Variants in KCNQ1 observed in about 807,000 individuals in gnomAD.
The protein encoded by KCNQ1 is potassium voltage-gated channel subfamily KQT member 1.
In KCNQ1, 49 loss-of-function variants were observed where a neutral mutation model predicts 72.4. The observed-to-expected ratio is 0.68, with a 90% CI of 0.54 to 0.86. The LOEUF (loss-of-function observed/expected upper bound fraction) is 0.86. Ranked by LOEUF, KCNQ1 falls within the 40% of genes least tolerant of loss-of-function variation. The probability of loss-of-function intolerance (pLI) is 0.00; values close to 1 mark genes in which losing one functional copy is unlikely to be tolerated. For synonymous variants in KCNQ1, 450 were observed against 412.6 expected, an observed-to-expected ratio of 1.09 and a Z score of -1.10; for missense variants, 790 against 945.1, an observed-to-expected ratio of 0.84 and a Z score of 2.15.
intron 15 of KCNQ1, among the ~76,000 whole-genome samples, chr11:2,780,691 G>A (rs550204704): frequency 3.9e-5 from 6 of 152,354 alleles, no homozygotes; most frequent in South Asian, 4.1e-4. Context: ...CCTCCAGGGA[G>A]GCCTAGAGTG....
chr11:2,646,482 C>T (rs1564843919), intron 10 of KCNQ1: 1 of 398,540 alleles, frequency 2.5e-6, no homozygotes, highest in East Asian at 3.6e-5. Flanking sequence ...CTTCATTTCT[C>T]TTTTGGCTAA....
chr11:2,770,936 C>G (rs1198054738), intron 12 of KCNQ1, among the ~76,000 whole-genome samples: 1 of 152,246 alleles, frequency 6.6e-6, no homozygotes, highest in East Asian at 1.9e-4. Flanking sequence ...CCCCCGAGGG[C>G]AGAGGAGACC....
chr11:2,801,543 G>A lies in KCNQ1; in HGVS notation c.1794+23506G>A, dbSNP rs57236382. On this transcript the variant is annotated intron_variant, in intron 15 of 15. Transcript: ENST00000155840. ...GTGCTTACACATCCCTGGTGCTGCC[G>A]CCTTCTCTTGCAAAGACGTGAGTCC... 2.9e-3 allele frequency among the ~76,000 whole-genome samples: 438 copies of A among 152,280 alleles called. 2 individuals carry two copies. Among genetic ancestry groups the A allele is most frequent in the African/African-American group, 0.01 (423 of 41,540 alleles).
Position 2,567,014 on chromosome 11 carries a change from G to A in KCNQ1, c.478-3614G>A, listed in dbSNP as rs915973216. Among the ~76,000 whole-genome samples the A allele has an allele frequency of 6.6e-6, 1 of 151,606 alleles. No homozygotes were observed. Among genetic ancestry groups the A allele is most frequent in the African/African-American group, 2.4e-5 (1 of 41,256 alleles). On this transcript the variant is annotated intron_variant, in intron 2 of 15. Transcript: ENST00000155840. This position sits in a 1 kb window ranked among gnomAD's most constrained non-coding sequence, Gnocchi z 6.6. Reference sequence around the variant, plus strand: ...GAGGGAGAGAGCACTCCTGACACAGGGTCCTGAGGAGGCAGGGGTGCCCCA... The same window carrying A: ...GAGGGAGAGAGCACTCCTGACACAGAGTCCTGAGGAGGCAGGGGTGCCCCA...
At position 2,670,709 on chromosome 11, in the gene KCNQ1, A is replaced by G. The variant is rs1055983223; in HGVS notation, c.1514+8628A>G. 2.5e-6 allele frequency: 1 copy of G among 398,538 alleles called. No homozygotes were observed. The highest frequency in any genetic ancestry group is 4.4e-6 in the Non-Finnish European group (1 of 226,124). 24.7% of individuals were successfully genotyped at this position (398,538 alleles called of 1,614,324 possible). On this transcript the variant is annotated intron_variant, in intron 11 of 15. Transcript: ENST00000155840. This position sits in a 1 kb window ranked among gnomAD's most constrained non-coding sequence, Gnocchi z 4.9. ...ACAAGACAAAGGGATTCTGTGGCCC[A>G]TGGAGCAGGAGGGAACAGTCTGCAG...
chr11:2,618,133 T>C, intron 10 of KCNQ1: 2 of 398,534 alleles, frequency 5.0e-6, no homozygotes, highest in Non-Finnish European at 8.8e-6. Flanking sequence ...CCCTATGTTT[T>C]CTTCTGGTTG....
intron 11 of KCNQ1, chr11:2,672,772 C>T (rs1462180819): frequency 2.5e-6 from 1 of 398,670 alleles, no homozygotes; most frequent in East Asian, 3.6e-5. Context: ...CCTGTCTCCT[C>T]CCCGCAACAG....
At chr11:2,511,551 C>A (rs1847204574) in intron 1 of KCNQ1, among the ~76,000 whole-genome samples, 1 of 152,214 alleles carries the variant, frequency 6.6e-6, no homozygotes, top group Non-Finnish European at 1.5e-5. Flanking sequence ...ATGCTCCCAG[C>A]CGCTGTGTAG....
chr11:2,804,471 G>A (rs1357786838), intron 15 of KCNQ1, among the ~76,000 whole-genome samples: 2 of 152,232 alleles, frequency 1.3e-5, no homozygotes, highest in South Asian at 2.1e-4. Context: ...TGAGGGGAGG[G>A]AGGGATGGAG....
At position 2,815,082 on chromosome 11, in the gene KCNQ1, A is replaced by G. The variant is rs1284135210; in HGVS notation, c.1795-32685A>G. Among the ~76,000 whole-genome samples, 6 of 152,220 alleles carry G rather than the reference A, an allele frequency of 3.9e-5. No individual in the cohort carries two copies. Among genetic ancestry groups the G allele is most frequent in the African/African-American group, 1.4e-4 (6 of 41,446 alleles). On this transcript the variant is annotated intron_variant, in intron 15 of 15. Coordinates refer to ENST00000155840, the MANE Select transcript of KCNQ1 (RefSeq NM_000218.3). This position sits in a 1 kb window ranked among gnomAD's most constrained non-coding sequence, Gnocchi z 5.4. ...TCATCCAGGCACCTGCTGCGTGCTG[A>G]GCACCATGCTGGGTGCTTCCTGTGC... is the stretch of plus-strand genomic sequence containing the variant.
chr11:2,820,488 G>A (rs1004717296), intron 15 of KCNQ1, among the ~76,000 whole-genome samples: 18 of 152,002 alleles, frequency 1.2e-4, no homozygotes, highest in African/African-American at 2.7e-4. Flanking sequence ...GTGTGGAGGC[G>A]GTGGAGTCTT....
intron 15 of KCNQ1, among the ~76,000 whole-genome samples, chr11:2,797,525 C>A (rs1052105157): frequency 3.3e-5 from 5 of 152,194 alleles, no homozygotes; most frequent in Non-Finnish European, 7.3e-5. Flanking sequence ...CAGCCCTGCA[C>A]CTCCTGGCCA....
chr11:2,583,405 C>A (rs372705509), intron 6 of KCNQ1, 30 bp from the exon 7 acceptor site: 2 of 1,515,414 alleles, frequency 1.3e-6, no homozygotes, highest in Non-Finnish European at 1.8e-6. Flanking sequence ...CAGTCCCATC[C>A]GTGGCTGACC....
chr11:2,478,441 C>T lies in KCNQ1; in HGVS notation c.386+32957C>T, dbSNP rs989563683. On this transcript the variant is annotated intron_variant, in intron 1 of 15. Coordinates refer to ENST00000155840, the MANE Select transcript of KCNQ1 (RefSeq NM_000218.3). This position sits in a 1 kb window ranked among gnomAD's most constrained non-coding sequence, Gnocchi z 4.0. ...CATGGCTGGGGAGGCCTCACAATCA[C>T]AGCAGAAGATGAAGGAAGAACAAAG... Among the ~76,000 whole-genome samples, 7 of 152,130 alleles carry T rather than the reference C, an allele frequency of 4.6e-5. No individual in the cohort carries two copies. Among genetic ancestry groups the T allele is most frequent in the African/African-American group, 1.4e-4 (6 of 41,418 alleles).
intron 10 of KCNQ1, chr11:2,610,674 C>G (rs1194528145): frequency 3.8e-6 from 1 of 263,772 alleles, no homozygotes; most frequent in African/African-American, 3.7e-5. Context: ...ATTTTGCCTT[C>G]TTTTTGAAAG....
chr11:2,606,905 T>G (rs1465226339), intron 10 of KCNQ1, among the ~76,000 whole-genome samples: 5 of 135,784 alleles, frequency 3.7e-5, no homozygotes, highest in South Asian at 2.5e-4. Flanking sequence ...TTTTTTTTTT[T>G]TTTTTTTTTT....
At position 2,445,330 on chromosome 11, in the gene KCNQ1, G is replaced by C. The variant is rs1846020954; in HGVS notation, c.232G>C (p.Asp78His). 1.3e-6 allele frequency: 2 copies of C among 1,579,132 alleles called. No individual in the cohort carries two copies. The highest frequency in any genetic ancestry group is 1.4e-5 in the African/African-American group (1 of 73,802). The change falls in exon 1 of 16, where the codon GAC becomes CAC. Residue 78 changes from aspartate (D) to histidine (H), a missense_variant. Coordinates refer to ENST00000155840, the MANE Select transcript of KCNQ1 (RefSeq NM_000218.3). ...AAPAAPPVASDLGPRPPVSLD... is the reference protein window; with the variant it reads ...AAPAAPPVASHLGPRPPVSLD... ...GCCCGCCGCGCCCCCAGTTGCCTCC[G>C]ACCTTGGCCCGCGGCCGCCGGTGAG...
At chr11:2,470,296 G>T (rs1241722088) in intron 1 of KCNQ1, among the ~76,000 whole-genome samples, 1 of 152,166 alleles carries the variant, frequency 6.6e-6, no homozygotes, top group African/African-American at 2.4e-5. Flanking sequence ...AAAGAGGTGC[G>T]TAGGAGGTTT....
intron 15 of KCNQ1, among the ~76,000 whole-genome samples, chr11:2,802,140 G>A (rs1012600238): frequency 6.6e-5 from 10 of 152,334 alleles, no homozygotes; most frequent in East Asian, 3.9e-4. Flanking sequence ...CCTCCACTCC[G>A]CTTTTCCAGG....
Sources: gnomAD v4.1 joint callset for allele counts (sites outside exome capture counted in the v4.1 genomes callset) on GRCh38, gnomAD v4.1.1 for gene constraint, Gnocchi (gnomAD v3.1) non-coding constraint, MANE v1.5 for transcripts, NCBI Gene and HGNC (gene_info 2026-07-23, HGNC 2026-07-21) for gene names.